The following FGFR2 variants were observed in gnomAD, a reference collection of about 807,000 sequenced individuals.
FGFR2 encodes the protein fibroblast growth factor receptor 2, also known as BEK fibroblast growth factor receptor.
A neutral mutation model predicts 95.9 loss-of-function variants in FGFR2; 19 were observed. That is an observed-to-expected ratio of 0.20 (90% confidence interval 0.14 to 0.29). FGFR2 has a LOEUF of 0.29. Ranked by LOEUF, FGFR2 falls within the 10% of genes least tolerant of loss-of-function variation. The pLI, the probability that FGFR2 is intolerant of heterozygous loss-of-function variation, is 1.00. For missense variants in FGFR2, 707 were observed against 1,056.9 expected (o/e 0.67, Z 4.59); for synonymous variants, 392 against 393.3 (o/e 1.00, Z 0.04).
At position 121,485,170 on chromosome 10, in the gene FGFR2, C is replaced by T. The variant is rs1039510010; in HGVS notation, c.2195+225G>A. On this transcript the variant is annotated intron_variant, in intron 16 of 17. Coordinates refer to ENST00000358487, the MANE Select transcript of FGFR2 (RefSeq NM_000141.5). The surrounding 1 kb of genome is among the most constrained non-coding windows in gnomAD (Gnocchi z 4.2). Reference sequence around the variant, plus strand: ...GCCAGGCAGCCAGACACCCTCTGATCCAAAGCCCTCTCCATACTCAGAATA... The same window carrying T: ...GCCAGGCAGCCAGACACCCTCTGATTCAAAGCCCTCTCCATACTCAGAATA... 3.6e-4 allele frequency among the ~76,000 whole-genome samples: 55 copies of T among 152,104 alleles called. No individual in the cohort carries two copies. The highest frequency in any genetic ancestry group is 1.2e-3 in the African/African-American group (51 of 41,418).
chr10:121,510,727 T>C lies in FGFR2; in HGVS notation c.1287+4390A>G, dbSNP rs369459503. Among the ~76,000 whole-genome samples, 15 of 152,280 alleles carry C rather than the reference T, an allele frequency of 9.9e-5. No individual in the cohort carries two copies. The South Asian group carries it at 1.9e-3, about 19-fold the overall frequency. ...CCTATTCCTAACGTCCCCAGGAATA[T>C]GCCATTTGCCTCAAAAGTATTGCTA... On this transcript the variant is annotated intron_variant, in intron 9 of 17. Coordinates refer to ENST00000358487, the MANE Select transcript of FGFR2 (RefSeq NM_000141.5).
intron 2 of FGFR2, among the ~76,000 whole-genome samples, chr10:121,567,527 G>C (rs74721665): frequency 6.6e-6 from 1 of 152,238 alleles, no homozygotes; most frequent in African/African-American, 2.4e-5. Flanking sequence ...GAGGAGACAA[G>C]ATAAAGACCC....
At chr10:121,538,365 G>A (rs772052099) in intron 6 of FGFR2, 6 of 797,952 alleles carry the variant, frequency 7.5e-6, no homozygotes, top group African/African-American at 1.7e-5. Flanking sequence ...CACAGATGAC[G>A]CTTGGGAACC....
At chr10:121,566,425 G>A (rs1200949343) in intron 2 of FGFR2, among the ~76,000 whole-genome samples, 1 of 152,182 alleles carries the variant, frequency 6.6e-6, no homozygotes, top group African/African-American at 2.4e-5. Flanking sequence ...TGCACTTACA[G>A]GGGTCCTGAA....
At chr10:121,497,664 T>C (rs1457842148) in intron 12 of FGFR2, among the ~76,000 whole-genome samples, 1 of 152,180 alleles carries the variant, frequency 6.6e-6, no homozygotes, top group Non-Finnish European at 1.5e-5. Context: ...TTCTCCATGG[T>C]ATAGGCTCGG....
At chr10:121,586,538 A>G (rs997731298) in intron 2 of FGFR2, among the ~76,000 whole-genome samples, 10 of 152,238 alleles carry the variant, frequency 6.6e-5, no homozygotes, top group Admixed American at 2.6e-4. Flanking sequence ...GCCAAAGTCC[A>G]CAATGGCGCA....
intron 2 of FGFR2, among the ~76,000 whole-genome samples, chr10:121,590,651 T>C (rs1160028599): frequency 6.6e-6 from 1 of 152,164 alleles, no homozygotes; most frequent in African/African-American, 2.4e-5. Context: ...ACAAATGATA[T>C]ATATGATATA....
At chr10:121,530,039 C>A (rs1431988917) in intron 6 of FGFR2, among the ~76,000 whole-genome samples, 1 of 152,190 alleles carries the variant, frequency 6.6e-6, no homozygotes, top group African/African-American at 2.4e-5. Flanking sequence ...GCAACACCGA[C>A]ACCCTTGGCC....
At chr10:121,524,889 A>G (rs2134391121) in intron 6 of FGFR2, among the ~76,000 whole-genome samples, 1 of 152,314 alleles carries the variant, frequency 6.6e-6, no homozygotes, top group African/African-American at 2.4e-5. Context: ...TTTTGCAACA[A>G]ACTGATATAA....
chr10:121,555,371 CTCAATCAATCAATCAA>C (rs3036011), intron 4 of FGFR2, among the ~76,000 whole-genome samples: 2,529 of 142,798 alleles, frequency 0.018, 39 homozygotes, highest in Non-Finnish European at 0.025. Flanking sequence ...AAAACTCTGT[CTCAATCAATCAATCAA>C]TCAATCAATC....
At chr10:121,597,069 T>C (rs1315262829) in intron 1 of FGFR2, among the ~76,000 whole-genome samples, 8 of 152,124 alleles carry the variant, frequency 5.3e-5, no homozygotes, top group African/African-American at 2.4e-5. Context: ...GTAGGTTTTA[T>C]TGAATTGGGA....
rs1166824663 is a variant in FGFR2 at position 121,531,574 on chromosome 10, G to A, written c.748+7018C>T. 6.6e-6 allele frequency among the ~76,000 whole-genome samples: 1 copy of A among 152,042 alleles called. No homozygotes were observed. The highest frequency in any genetic ancestry group is 6.6e-5 in the Admixed American group (1 of 15,250). Reference sequence around the variant, plus strand: ...AAGTATGGGACCAACGCACAATAACGACTAACAGTTGCATGGTACTATTAT... The same window carrying A: ...AAGTATGGGACCAACGCACAATAACAACTAACAGTTGCATGGTACTATTAT... On this transcript the variant is annotated intron_variant, in intron 6 of 17. Transcript: ENST00000358487. The surrounding 1 kb of genome is among the most constrained non-coding windows in gnomAD (Gnocchi z 4.5).
At chr10:121,496,498 T>G in intron 13 of FGFR2, 34 bp downstream of exon 13, 1 of 1,609,648 alleles carries the variant, frequency 6.2e-7, no homozygotes. Context: ...TTTAGTTGGA[T>G]TCCACCCAGC....
chr10:121,513,290 C>G (rs888054420), intron 9 of FGFR2, among the ~76,000 whole-genome samples: 1 of 152,204 alleles, frequency 6.6e-6, no homozygotes, highest in Non-Finnish European at 1.5e-5. Context: ...TCTTAGTCCT[C>G]AAGGATCCAT....
chr10:121,481,389 GACAC>G (rs71868012), intron 17 of FGFR2, among the ~76,000 whole-genome samples: 56,007 of 149,734 alleles, frequency 0.37, 11,697 homozygotes, highest in Admixed American at 0.52. Flanking sequence ...CATTTTTAAA[GACAC>G]ACACACACAC....
chr10:121,593,741 C>T lies in FGFR2; in HGVS notation c.77G>A (p.Ser26Asn), dbSNP rs1379302733. The T allele has an allele frequency of 6.2e-7, 1 of 1,614,184 alleles. No individual in the cohort carries two copies. Among genetic ancestry groups the T allele is most frequent in the East Asian group, 2.2e-5 (1 of 44,890 alleles). Reference sequence around the variant, plus strand: ...CTCTAATGTGGTATCCTCAACTAAACTGAAGGAGGGCCGGGCCAGGGACAA... The same window carrying T: ...CTCTAATGTGGTATCCTCAACTAAATTGAAGGAGGGCCGGGCCAGGGACAA... ...ATLSLARPSF[S>N]LVEDTTLEPE... The change falls in exon 2 of 18, where the codon AGT becomes AAT. Residue 26 changes from serine (S) to asparagine (N), a missense_variant. Ser to Asn is a conservative substitution (Grantham distance 46, BLOSUM62 1). Coordinates refer to ENST00000358487, the MANE Select transcript of FGFR2 (RefSeq NM_000141.5).
At chr10:121,501,581 C>T (rs1341578209) in intron 10 of FGFR2, among the ~76,000 whole-genome samples, 2 of 152,182 alleles carry the variant, frequency 1.3e-5, no homozygotes, top group Admixed American at 1.3e-4. Context: ...ATTACAAGGT[C>T]TATGCACATC....
intron 2 of FGFR2, among the ~76,000 whole-genome samples, chr10:121,578,183 CTT>C (rs2135315879): frequency 6.6e-6 from 1 of 152,076 alleles, no homozygotes; most frequent in East Asian, 1.9e-4. Context: ...GATCTCTACT[CTT>C]TTAAAAAGGC....
chr10:121,558,426 T>C (rs958265328), intron 4 of FGFR2, among the ~76,000 whole-genome samples: 2 of 152,168 alleles, frequency 1.3e-5, no homozygotes, highest in Non-Finnish European at 1.5e-5. Flanking sequence ...ACAGGACTGT[T>C]CCACTTGGAA....
Sources: gnomAD v4.1 joint callset for allele counts (sites outside exome capture counted in the v4.1 genomes callset) on GRCh38, gnomAD v4.1.1 for gene constraint, Gnocchi (gnomAD v3.1) non-coding constraint, MANE v1.5 for transcripts, NCBI Gene and HGNC (gene_info 2026-07-23, HGNC 2026-07-21) for gene names.